Variants in DSCAM observed in about 807,000 individuals in gnomAD.
The protein encoded by DSCAM is DS cell adhesion molecule.
In DSCAM, 47 loss-of-function variants were observed where a neutral mutation model predicts 217.7. The observed-to-expected ratio is 0.22, with a 90% CI of 0.17 to 0.28. The LOEUF (loss-of-function observed/expected upper bound fraction) is 0.28. Among genes scored for constraint, DSCAM ranks in the 10% least tolerant of loss-of-function variants. The pLI is 1.00. For missense variants in DSCAM, 2,080 were observed against 2,618.3 expected (o/e 0.79, Z 4.49); for synonymous variants, 1,056 against 1,015.3 (o/e 1.04, Z -0.76).
intron 20 of DSCAM, among the ~76,000 whole-genome samples, chr21:40,100,940 G>C (rs2089741874): frequency 6.6e-6 from 1 of 152,174 alleles, no homozygotes; most frequent in Admixed American, 6.5e-5. Flanking sequence ...GTGGACTACA[G>C]TAATTGTGCT....
chr21:40,033,412 C>T (rs1042498150), intron 32 of DSCAM, among the ~76,000 whole-genome samples: 10 of 152,146 alleles, frequency 6.6e-5, no homozygotes, highest in African/African-American at 1.7e-4. Flanking sequence ...AAAGGGGTGA[C>T]GGACGGCACC....
chr21:40,277,769 C>T (rs2073707320), intron 10 of DSCAM, among the ~76,000 whole-genome samples: 1 of 148,548 alleles, frequency 6.7e-6, no homozygotes, highest in Non-Finnish European at 1.5e-5. Context: ...ACTTGAGAGG[C>T]TGAGGCAGAG....
intron 11 of DSCAM, among the ~76,000 whole-genome samples, chr21:40,214,735 C>CAAAAAAAAAAAAAAAA (rs1209648217): frequency 3.2e-4 from 22 of 67,816 alleles, no homozygotes; most frequent in East Asian, 9.7e-4. Flanking sequence ...GCAACAACAG[C>CAAAAAAAAAAAAAAAA]AAAAAAAAAA....
chr21:40,383,535 C>G (rs189290433), intron 3 of DSCAM: 1 of 152,320 alleles, frequency 6.6e-6, no homozygotes, highest in Admixed American at 6.5e-5. Flanking sequence ...CAGTTATCCA[C>G]TCACTGACTT....
chr21:40,178,880 T>C (rs754031683), intron 15 of DSCAM, 47 bp downstream of exon 15: 2 of 1,610,430 alleles, frequency 1.2e-6, no homozygotes, highest in East Asian at 2.2e-5. Flanking sequence ...CCTCAAGAGT[T>C]AGCTCCCGGG....
At chr21:40,651,001 G>C (rs993396306) in intron 3 of DSCAM, among the ~76,000 whole-genome samples, 1 of 152,172 alleles carries the variant, frequency 6.6e-6, no homozygotes, top group Non-Finnish European at 1.5e-5. Context: ...TCTAGGGGAG[G>C]GTTCCTAAAG....
At chr21:40,574,913 T>C (rs923466873) in intron 3 of DSCAM, among the ~76,000 whole-genome samples, 1 of 152,068 alleles carries the variant, frequency 6.6e-6, no homozygotes, top group African/African-American at 2.4e-5. Flanking sequence ...ACATTAGTAA[T>C]CACTACCATC....
At chr21:40,636,617 A>G (rs1253749137) in intron 3 of DSCAM, among the ~76,000 whole-genome samples, 2 of 151,926 alleles carry the variant, frequency 1.3e-5, no homozygotes, top group South Asian at 2.1e-4. Context: ...CCTTGGCATC[A>G]CTCAGGCTCA....
intron 32 of DSCAM, 62 bp from the exon 33 acceptor site, chr21:40,013,448 C>T (rs2088099638): frequency 7.7e-7 from 1 of 1,291,084 alleles, no homozygotes; most frequent in South Asian, 1.6e-5. Context: ...GCAGAATGTC[C>T]TGTGTGCACA....
intron 19 of DSCAM, 25 bp downstream of exon 19, chr21:40,133,829 G>A: frequency 3.2e-6 from 5 of 1,577,334 alleles, no homozygotes; most frequent in Non-Finnish European, 4.3e-6. Flanking sequence ...CAACTGCTGG[G>A]ACCCACCGCC....
At chr21:40,078,540 C>CA in intron 26 of DSCAM, 147 bp downstream of exon 26, 1 of 1,022,280 alleles carries the variant, frequency 9.8e-7, no homozygotes, top group Non-Finnish European at 1.4e-6. Flanking sequence ...GAGCCCCAGA[C>CA]AGAGTCCATT....
chr21:40,489,774 CAAAA>C lies in DSCAM; in HGVS notation c.509-120533_509-120530del, dbSNP rs35247505. ...TGGGCGACAGGGCGAGACTCCGTCT[CAAAA>C]AAAAAAAAAAAAAAAAAAAAAAATA... is the stretch of plus-strand genomic sequence containing the variant. On this transcript the variant is annotated intron_variant, in intron 3 of 32. Coordinates refer to ENST00000400454, the MANE Select transcript of DSCAM (RefSeq NM_001389.5). 9.8e-3 allele frequency among the ~76,000 whole-genome samples: 461 copies of C among 47,180 alleles called. 4 individuals are homozygous for C. Among genetic ancestry groups the C allele is most frequent in the African/African-American group, 0.034 (430 of 12,752 alleles). 31.0% of individuals were successfully genotyped at this position (47,180 alleles called of 152,430 possible).
At chr21:40,210,967 G>A (rs2091176698) in intron 11 of DSCAM, among the ~76,000 whole-genome samples, 1 of 152,154 alleles carries the variant, frequency 6.6e-6, no homozygotes, top group Admixed American at 6.5e-5. Flanking sequence ...CATCAAATGA[G>A]GAACTATTCC....
At chr21:40,753,535 A>G (rs1007547228) in intron 1 of DSCAM, among the ~76,000 whole-genome samples, 1 of 152,230 alleles carries the variant, frequency 6.6e-6, no homozygotes, top group Non-Finnish European at 1.5e-5. Context: ...TACTGATTTT[A>G]AACCACACAC....
intron 1 of DSCAM, among the ~76,000 whole-genome samples, chr21:40,801,397 A>T (rs1189570641): frequency 6.6e-6 from 1 of 152,192 alleles, no homozygotes; most frequent in Non-Finnish European, 1.5e-5. Context: ...CAGGAGAGAA[A>T]ATCAAGGGTG....
chr21:40,501,944 TG>T (rs2076173325), intron 3 of DSCAM, among the ~76,000 whole-genome samples: 1 of 152,200 alleles, frequency 6.6e-6, no homozygotes, highest in African/African-American at 2.4e-5. Flanking sequence ...ATTTTGCTTT[TG>T]AATTGTATAT....
chr21:40,728,604 G>C (rs2090981797), intron 1 of DSCAM, among the ~76,000 whole-genome samples: 1 of 152,058 alleles, frequency 6.6e-6, no homozygotes, highest in South Asian at 2.1e-4. Flanking sequence ...ATTTTTAGTA[G>C]AGACGGGGTT....
At chr21:40,189,275 G>T in intron 11 of DSCAM, 37 bp from the exon 12 acceptor site, 1 of 1,479,072 alleles carries the variant, frequency 6.8e-7, no homozygotes, top group South Asian at 1.4e-5. Context: ...GTTCAGCAAA[G>T]CAGGGTTCTT....
chr21:40,331,271 T>C (rs1239449544), intron 8 of DSCAM, among the ~76,000 whole-genome samples: 1 of 152,158 alleles, frequency 6.6e-6, no homozygotes, highest in Admixed American at 6.5e-5. Context: ...AGCAAATGTC[T>C]GAAAGCAGGA....
Sources: allele counts gnomAD v4.1 joint callset (sites outside exome capture counted in the v4.1 genomes callset), GRCh38; gene constraint gnomAD v4.1.1; transcripts MANE v1.5; gene names NCBI Gene and HGNC (gene_info 2026-07-23, HGNC 2026-07-21).